UBE3C: variants seen among roughly 807,000 people sequenced by gnomAD.
The protein encoded by UBE3C is ubiquitin protein ligase E3C, also known as ubiquitin-protein ligase E3C.
A neutral mutation model predicts 129.4 loss-of-function variants in UBE3C; 42 were observed. That is an observed-to-expected ratio of 0.32 (90% confidence interval 0.25 to 0.42). The LOEUF is 0.42. UBE3C is among the 10% of genes least tolerant of loss of function. UBE3C has a pLI of 1.00. For missense variants in UBE3C, 1,049 were observed against 1,319.1 expected (o/e 0.80, Z 3.17); for synonymous variants, 510 against 492.4 (o/e 1.04, Z -0.47).
At chr7:157,164,356 T>TTTGCTTTGC (rs1452350982) in intron 2 of UBE3C, 1 of 456,500 alleles carries the variant, frequency 2.2e-6, no homozygotes, top group Non-Finnish European at 4.4e-6. Flanking sequence ...AGGGTCTTGC[T>TTTGCTTTGC]TTGCTGCCGA....
chr7:157,178,835 A>T lies in UBE3C; in HGVS notation c.604A>T (p.Met202Leu), dbSNP rs142708581. 6.2e-7 allele frequency: 1 copy of T among 1,614,026 alleles called. No homozygotes were observed. The highest frequency in any genetic ancestry group is 8.5e-7 in the Non-Finnish European group (1 of 1,180,008). ...VSVIEQILHY[M>L]IHNGYYRSLY... ...AGTGATTGAACAAATTTTGCACTAC[A>T]TGATTCACAATGGTAAGTAGTAGGC... The change falls in exon 6 of 23, where the codon ATG (methionine) becomes TTG (leucine). Residue 202 changes from methionine (M) to leucine (L), a missense_variant. This residue lies in a region of UBE3C where 489 missense variants were observed against 513.8 expected (regional missense o/e 0.95). Coordinates refer to ENST00000348165, the MANE Select transcript of UBE3C (RefSeq NM_014671.3).
intron 22 of UBE3C, among the ~76,000 whole-genome samples, chr7:157,257,398 G>A (rs1796779618): frequency 6.6e-6 from 1 of 152,162 alleles, no homozygotes; most frequent in Non-Finnish European, 1.5e-5. Flanking sequence ...ACAACGTAGA[G>A]ATGTTGATGG....
chr7:157,242,789 G>A (rs1796374006), intron 18 of UBE3C, among the ~76,000 whole-genome samples: 1 of 152,104 alleles, frequency 6.6e-6, no homozygotes, highest in Admixed American at 6.6e-5. Flanking sequence ...AGGTCTGGTG[G>A]CTCAAGCCTG....
intron 10 of UBE3C, chr7:157,197,861 G>C (rs1029660950): frequency 6.2e-6 from 10 of 1,605,380 alleles, no homozygotes; most frequent in Non-Finnish European, 8.5e-6. Context: ...GAACAACCGC[G>C]TTAAGTATTG....
At chr7:157,190,339 T>A (rs552633502) in intron 10 of UBE3C, among the ~76,000 whole-genome samples, 1 of 151,590 alleles carries the variant, frequency 6.6e-6, no homozygotes, top group African/African-American at 2.4e-5. Flanking sequence ...TGTCCCTGTT[T>A]TGGTGAACAG....
At chr7:157,141,711 C>T (rs912594378) in intron 1 of UBE3C, among the ~76,000 whole-genome samples, 3 of 152,228 alleles carry the variant, frequency 2.0e-5, no homozygotes, top group African/African-American at 7.2e-5. Context: ...GACTGTCCTT[C>T]TGACCTCCAT....
In UBE3C at chr7:157,248,389, G is replaced by A; in HGVS notation, c.2503G>A (p.Val835Met). The change falls in exon 19 of 23, where the codon GTG becomes ATG. Residue 835 changes from valine to methionine, a missense_variant. Val to Met is a conservative substitution (Grantham distance 21). Around this residue, in one of 4 missense-constraint regions of UBE3C, gnomAD observed 243 missense variants for 368.7 expected, o/e 0.66. Coordinates refer to ENST00000348165, the MANE Select transcript of UBE3C (RefSeq NM_014671.3). The stretch of plus-strand genomic sequence containing the variant: ...GAAGGCTCTCTATGAGAACATGCTG[G>A]TGGAGCTGCCCTTTGCAGGCTTCTT... ...LGKALYENML[V>M]ELPFAGFFLS... The A allele has an allele frequency of 6.2e-7, 1 of 1,613,418 alleles. No individual in the cohort carries two copies. Among genetic ancestry groups the A allele is most frequent in the East Asian group, 2.2e-5 (1 of 44,894 alleles).
chr7:157,198,049 C>G, intron 10 of UBE3C: 2 of 1,607,884 alleles, frequency 1.2e-6, no homozygotes, highest in South Asian at 1.1e-5. Context: ...CACTGAAGCT[C>G]CAGGGGGATC....
At chr7:157,148,368 G>A (rs909550331) in intron 1 of UBE3C, among the ~76,000 whole-genome samples, 1 of 152,130 alleles carries the variant, frequency 6.6e-6, no homozygotes, top group Non-Finnish European at 1.5e-5. Context: ...TTCCCAATGT[G>A]CTGGGATTAC....
rs576251719 is a variant in UBE3C at position 157,235,443 on chromosome 7, C to G, written c.2481+4116C>G. Among the ~76,000 whole-genome samples the G allele has an allele frequency of 2.4e-4, 37 of 152,326 alleles. No individual in the cohort carries two copies. In the South Asian group the frequency reaches 7.5e-3, roughly 31 times the overall value. On this transcript the variant is annotated intron_variant, in intron 18 of 22. Coordinates refer to ENST00000348165, the MANE Select transcript of UBE3C (RefSeq NM_014671.3). ...ACTTTTTCTTCCTGAATGTATAAAT[C>G]ATCCAGTCTTGATTAATGTAGAAGC...
At position 157,267,881 on chromosome 7, in the gene UBE3C, C is replaced by G; in HGVS notation, c.*126C>G. Reference sequence around the variant, plus strand: ...CTCCTAAGCTCCTTCTTTCATTCTGCCATTCCTCCCTCCCTTCCTTTTTTA... The same window carrying G: ...CTCCTAAGCTCCTTCTTTCATTCTGGCATTCCTCCCTCCCTTCCTTTTTTA... On this transcript the variant is annotated 3_prime_UTR_variant, in exon 23 of 23. Coordinates refer to ENST00000348165, the MANE Select transcript of UBE3C (RefSeq NM_014671.3). 1 of 708,648 alleles carries G rather than the reference C, an allele frequency of 1.4e-6. No homozygotes were observed. Among genetic ancestry groups the G allele is most frequent in the Non-Finnish European group, 2.2e-6 (1 of 460,684 alleles). The allele number at this position is 708,648 out of a possible 1,614,324, so 43.9% of individuals were successfully genotyped here.
intron 14 of UBE3C, among the ~76,000 whole-genome samples, chr7:157,217,494 T>C (rs1418400670): frequency 6.6e-6 from 1 of 152,138 alleles, no homozygotes; most frequent in Non-Finnish European, 1.5e-5. Context: ...AATTTGAATA[T>C]TACTAATACC....
rs761050736 is a variant in UBE3C at position 157,175,212 on chromosome 7, G to A, written c.458+178G>A. Among the ~76,000 whole-genome samples, 38 of 143,244 alleles carry A rather than the reference G, an allele frequency of 2.7e-4. 1 individual carries two copies. Among genetic ancestry groups the A allele is most frequent in the South Asian group, 8.9e-4 (4 of 4,502 alleles). The allele number at this position is 143,244 out of a possible 152,430, so 94.0% of individuals were successfully genotyped here. A position where few individuals can be genotyped will look rare whatever the true frequency, so the allele number is the denominator to read the frequency against. On this transcript the variant is annotated intron_variant, in intron 5 of 22. Transcript: ENST00000348165. ...ATTTTTACTGTAGGTGATTCAGGCC[G>A]GCATGAGGTATAAATGAAGACACAT...
At chr7:157,215,644 T>C (rs1795541940) in intron 13 of UBE3C, among the ~76,000 whole-genome samples, 2 of 151,698 alleles carry the variant, frequency 1.3e-5, no homozygotes, top group African/African-American at 2.4e-5. Context: ...CTGTGGTGAT[T>C]TCCGTTGTCT....
chr7:157,266,308 C>T (rs1434888250), intron 22 of UBE3C, among the ~76,000 whole-genome samples: 2 of 151,528 alleles, frequency 1.3e-5, no homozygotes, highest in Non-Finnish European at 3.0e-5. Flanking sequence ...AGCAAGACTC[C>T]GTCTCAAAAA....
chr7:157,175,065 A>G (rs1164105984), intron 5 of UBE3C, 31 bp downstream of exon 5: 2 of 1,523,080 alleles, frequency 1.3e-6, no homozygotes, highest in Non-Finnish European at 1.8e-6. Context: ...AGTAACGTAT[A>G]TAATGTATTG....
At chr7:157,182,540 G>A (rs1370578542) in intron 8 of UBE3C, among the ~76,000 whole-genome samples, 2 of 152,060 alleles carry the variant, frequency 1.3e-5, no homozygotes, top group Non-Finnish European at 2.9e-5. Context: ...TGTCTTATGA[G>A]GCCACACAGA....
chr7:157,162,227 C>G (rs938922976), intron 1 of UBE3C, among the ~76,000 whole-genome samples: 7 of 151,794 alleles, frequency 4.6e-5, no homozygotes, highest in Non-Finnish European at 8.8e-5. Flanking sequence ...CGGAGTCTTG[C>G]TGTGTTGCCC....
intron 1 of UBE3C, among the ~76,000 whole-genome samples, chr7:157,163,503 A>T (rs1323639154): frequency 5.9e-5 from 9 of 152,136 alleles, no homozygotes; most frequent in Non-Finnish European, 1.2e-4. Context: ...TAGAACTCTG[A>T]CATTGGTACG....
Sources: gnomAD v4.1 joint callset for allele counts (sites outside exome capture counted in the v4.1 genomes callset) on GRCh38, gnomAD v4.1.1 for gene constraint, gnomAD v4.1.1 regional missense constraint, MANE v1.5 for transcripts, NCBI Gene and HGNC (gene_info 2026-07-23, HGNC 2026-07-21) for gene names.